TGM4: variants seen among roughly 807,000 people sequenced by gnomAD.
TGM4 encodes protein-glutamine gamma-glutamyltransferase 4.
TGM4 carries 61 observed loss-of-function variants against 76.3 expected under a neutral mutation model. That is an observed-to-expected ratio of 0.80 (90% CI 0.65 to 0.99). The LOEUF is 0.99. Among genes scored for constraint, TGM4 ranks in the 50% least tolerant of loss-of-function variants. The pLI is 0.00. For missense variants in TGM4, 794 were observed against 843.2 expected (o/e 0.94, Z 0.72); for synonymous variants, 337 against 329.8 (o/e 1.02, Z -0.24).
chr3:44,876,928 T>C (rs559592228), intron 1 of TGM4, among the ~76,000 whole-genome samples: 1 of 152,256 alleles, frequency 6.6e-6, no homozygotes, highest in South Asian at 2.1e-4. Context: ...CAGTATTAGG[T>C]AGTTCAAAGA....
At chr3:44,893,434 C>A in intron 4 of TGM4, 143 bp from the exon 5 acceptor site, 2 of 728,774 alleles carry the variant, frequency 2.7e-6, no homozygotes, top group East Asian at 5.0e-5. Context: ...TTCCCTCCCG[C>A]TTACCTCCCT....
At chr3:44,895,847 AT>A (rs1241026887) in intron 5 of TGM4, among the ~76,000 whole-genome samples, 2 of 152,190 alleles carry the variant, frequency 1.3e-5, no homozygotes, top group African/African-American at 4.8e-5. Context: ...TAGATGGTAA[AT>A]TTTATGAGAT....
chr3:44,884,079 C>T (rs963023371), intron 1 of TGM4, among the ~76,000 whole-genome samples: 7 of 152,212 alleles, frequency 4.6e-5, no homozygotes, highest in African/African-American at 1.7e-4. Flanking sequence ...CTCAGCCACA[C>T]CCCAGATGTG....
intron 1 of TGM4, among the ~76,000 whole-genome samples, chr3:44,884,632 G>C (rs1699575594): frequency 2.6e-5 from 4 of 152,090 alleles, no homozygotes; most frequent in Admixed American, 2.6e-4. Context: ...ACTGCACCTG[G>C]CCTTAAAAAT....
chr3:44,910,938 C>T lies in TGM4; in HGVS notation c.1607-20C>T. On this transcript the variant is annotated intron_variant, in intron 11 of 13. Transcript: ENST00000296125. ...GGGTATGATGAATGACCTCTCCCCTCCACCCTGACTCTTTGGCAGTATCAG... is the reference window on the plus strand; with the variant it reads ...GGGTATGATGAATGACCTCTCCCCTTCACCCTGACTCTTTGGCAGTATCAG... 6.2e-7 allele frequency: 1 copy of T among 1,611,406 alleles called. No individual in the cohort carries two copies. Among genetic ancestry groups the T allele is most frequent in the Non-Finnish European group, 8.5e-7 (1 of 1,177,826 alleles).
intron 1 of TGM4, among the ~76,000 whole-genome samples, chr3:44,880,108 T>C (rs1699512329): frequency 6.6e-6 from 1 of 152,242 alleles, no homozygotes; most frequent in Non-Finnish European, 1.5e-5. Context: ...CCATAGTCTA[T>C]ATACGTTATT....
chr3:44,880,400 C>T (rs1559608584), intron 1 of TGM4, among the ~76,000 whole-genome samples: 2 of 152,184 alleles, frequency 1.3e-5, no homozygotes, highest in African/African-American at 4.8e-5. Flanking sequence ...CAGACCTCTA[C>T]AGAAAGAGGT....
intron 8 of TGM4, among the ~76,000 whole-genome samples, chr3:44,903,121 A>G (rs1266764561): frequency 1.3e-5 from 2 of 152,168 alleles, no homozygotes; most frequent in Non-Finnish European, 2.9e-5. Flanking sequence ...TCATAGGCAG[A>G]TTTTTTCAAC....
rs563045423 is a variant in TGM4, at chr3:44,909,324, C to T, written c.1328-766C>T. Among the ~76,000 whole-genome samples, 39 of 152,342 alleles carry T rather than the reference C, an allele frequency of 2.6e-4. No homozygotes were observed. In the South Asian group the frequency reaches 7.7e-3, roughly 30 times the overall value. On this transcript the variant is annotated intron_variant, in intron 10 of 13. Transcript: ENST00000296125. ...ATCTGTCTGAGCTTTTCAAAGCCCC[C>T]GTGGACATTTTGTCCCTCAGCTTTT...
intron 1 of TGM4, chr3:44,876,555 T>G (rs1699454156): frequency 6.6e-6 from 1 of 152,306 alleles, no homozygotes; most frequent in East Asian, 1.9e-4. Context: ...GGTTAGTATT[T>G]AGAGAAAAAC....
chr3:44,899,828 C>T (rs1255621654), intron 6 of TGM4, among the ~76,000 whole-genome samples: 1 of 152,206 alleles, frequency 6.6e-6, no homozygotes, highest in Non-Finnish European at 1.5e-5. Flanking sequence ...CACCTAGCTG[C>T]GAGCAGCCTC....
At chr3:44,875,778 T>G (rs1187978986) in intron 1 of TGM4, among the ~76,000 whole-genome samples, 1 of 152,208 alleles carries the variant, frequency 6.6e-6, no homozygotes, top group Non-Finnish European at 1.5e-5. Context: ...TCCACCTTCT[T>G]TTTTGGAGGG....
intron 1 of TGM4, chr3:44,876,422 A>G (rs1302568274): frequency 6.6e-6 from 1 of 152,050 alleles, no homozygotes; most frequent in African/African-American, 2.4e-5. Context: ...TCTTCCAACC[A>G]CTCTAGGAGG....
intron 5 of TGM4, among the ~76,000 whole-genome samples, chr3:44,896,063 T>G (rs897640562): frequency 2.0e-5 from 3 of 152,208 alleles, no homozygotes; most frequent in Non-Finnish European, 4.4e-5. Context: ...ATGCTATTTG[T>G]TCACAATTTT....
chr3:44,904,238 C>A (rs2372833), intron 9 of TGM4, among the ~76,000 whole-genome samples: 23,907 of 152,134 alleles, frequency 0.16, 2,093 homozygotes, highest in South Asian at 0.25. Flanking sequence ...TTAAGGGTTC[C>A]CTACTGCATA....
chr3:44,911,118 C>T lies in TGM4; in HGVS notation c.1767C>T (p.Phe589=), dbSNP rs1355780086. Residue 589 remains phenylalanine, a synonymous_variant, in exon 12 of 14, where the codon TTC becomes TTT. Transcript: ENST00000296125. ...EVFTSFQYPE[F]SIELPNTGRI... is the part of the protein sequence containing the mutation. ...TCACGTCTTTCCAGTACCCTGAGTT[C>T]TCTATAGAGGTGAGCTTCCTGCAGG... 1 of 1,614,032 alleles carries T rather than the reference C, an allele frequency of 6.2e-7. No individual in the cohort carries two copies. Among genetic ancestry groups the T allele is most frequent in the Non-Finnish European group, 8.5e-7 (1 of 1,180,022 alleles).
Position 44,903,869 on chromosome 3 carries a change from C to T in TGM4, c.972-15C>T, listed in dbSNP as rs372873983. On this transcript the variant is annotated splice_polypyrimidine_tract_variant and intron_variant, in intron 8 of 13. Transcript: ENST00000296125. ...GGGGTGGTCCGGGGTGGGGCCCGTT[C>T]CCAATTTGCGGCAGGAATTTCCATG... is the stretch of plus-strand genomic sequence containing the variant. The T allele has an allele frequency of 1.3e-5, 21 of 1,613,718 alleles. No homozygotes were observed. The African/African-American group carries it at 1.6e-4, about 12-fold the overall frequency.
chr3:44,885,466 C>T lies in TGM4; in HGVS notation c.161C>T (p.Ser54Phe). The T allele has an allele frequency of 6.2e-7, 1 of 1,612,514 alleles. No homozygotes were observed. Among genetic ancestry groups the T allele is most frequent in the East Asian group, 2.2e-5 (1 of 44,868 alleles). The change falls in exon 2 of 14, where the codon TCC (serine) becomes TTC (phenylalanine). Residue 54 changes from serine to phenylalanine, a missense_variant. Physicochemically the swap from Ser to Phe is radical, Grantham distance 155. Coordinates refer to ENST00000296125, the MANE Select transcript of TGM4 (RefSeq NM_003241.4). ...CTGGTGCTGAACCAGCCCCTACAAT[C>T]CTACCACCAACTGAAACTGGAATTC... ...LRLVLNQPLQ[S>F]YHQLKLEFST...
At chr3:44,899,584 G>T (rs561360862) in intron 6 of TGM4, 1 of 152,206 alleles carries the variant, frequency 6.6e-6, no homozygotes, top group East Asian at 1.9e-4. Flanking sequence ...CTGACTAGCA[G>T]GCAGAGCTTC....
Sources: allele counts gnomAD v4.1 joint callset (sites outside exome capture counted in the v4.1 genomes callset), GRCh38; gene constraint gnomAD v4.1.1; transcripts MANE v1.5; gene names NCBI Gene and HGNC (gene_info 2026-07-23, HGNC 2026-07-21).